The following LRPPRC variants were observed in gnomAD, a reference collection of about 807,000 sequenced individuals.
LRPPRC encodes leucine-rich PPR motif-containing protein, mitochondrial.
LRPPRC carries 120 observed loss-of-function variants against 180.3 expected under a neutral mutation model. The ratio of observed to expected loss-of-function variants is 0.67; its 90% CI spans 0.57 to 0.77. The LOEUF (loss-of-function observed/expected upper bound fraction) is 0.77. Among genes scored for constraint, LRPPRC ranks in the 30% least tolerant of loss-of-function variants. The pLI, the probability that LRPPRC is intolerant of heterozygous loss-of-function variation, is 0.00. For synonymous variants in LRPPRC, 723 were observed against 600.0 expected, an observed-to-expected ratio of 1.21 and a Z score of -3.00; for missense variants, 2,012 against 1,657.2, an observed-to-expected ratio of 1.21 and a Z score of -3.72.
At chr2:43,954,603 C>T (rs1189990318) in intron 14 of LRPPRC, among the ~76,000 whole-genome samples, 1 of 152,174 alleles carries the variant, frequency 6.6e-6, no homozygotes, top group Non-Finnish European at 1.5e-5. Context: ...AAACAGACGT[C>T]TCTTTTTTAC....
chr2:43,913,653 G>A (rs1464891983), intron 29 of LRPPRC, among the ~76,000 whole-genome samples: 1 of 152,128 alleles, frequency 6.6e-6, no homozygotes, highest in Non-Finnish European at 1.5e-5. Context: ...TGCATCTTAA[G>A]GAGAACAGTT....
chr2:43,980,001 GATAA>G lies in LRPPRC; in HGVS notation c.347-57_347-54del. 1.9e-6 allele frequency: 3 copies of G among 1,549,102 alleles called. No individual in the cohort carries two copies. The South Asian group carries it at 3.4e-5, about 17-fold the overall frequency. On this transcript the variant is annotated intron_variant, in intron 2 of 37. Transcript: ENST00000260665. The stretch of plus-strand genomic sequence containing the variant: ...TTTAACATAGCAGCAATATCACATA[GATAA>G]ATATCAAAATTTAAACAGAAATCTA...
chr2:43,918,820 T>G lies in LRPPRC; in HGVS notation c.2897-422A>C, dbSNP rs181645393. ...ATATATATATATATAGATATATATA[T>G]ATCTATATATAGATATCTCTATATA... On this transcript the variant is annotated intron_variant, in intron 27 of 37. Transcript: ENST00000260665. Among the ~76,000 whole-genome samples, 339 of 145,900 alleles carry G rather than the reference T, an allele frequency of 2.3e-3. 4 individuals are homozygous for G. Among genetic ancestry groups the G allele is most frequent in the African/African-American group, 7.8e-3 (311 of 39,636 alleles).
At position 43,899,526 on chromosome 2, in the gene LRPPRC, C is replaced by A; in HGVS notation, c.3649G>T (p.Gly1217Cys). 6.2e-7 allele frequency: 1 copy of A among 1,613,244 alleles called. No homozygotes were observed. Among genetic ancestry groups the A allele is most frequent in the Non-Finnish European group, 8.5e-7 (1 of 1,179,330 alleles). Residue 1217 changes from glycine to cysteine, a missense_variant, in exon 33 of 38, where the codon GGC becomes TGC. Physicochemically the swap from Gly to Cys is radical, Grantham distance 159. Transcript: ENST00000260665. ...ACTTTTCTGAATAAGTATGCCAAGC[C>A]GAAGTATTGGGGTTCAATGACTTTA... Reference protein sequence around the residue: ...ENKVIEPQYFGLAYLFRKVIE... With the variant: ...ENKVIEPQYFCLAYLFRKVIE...
chr2:43,892,337 T>C lies in LRPPRC; in HGVS notation c.3985+2208A>G, dbSNP rs372102122. On this transcript the variant is annotated intron_variant, in intron 36 of 37. Transcript: ENST00000260665. ...TTCAATGGCTAATGCAGCTGGTGAC[T>C]TTATGTTGATGCCAATGCTCACTTA... is the stretch of plus-strand genomic sequence containing the variant. 2.0e-5 allele frequency among the ~76,000 whole-genome samples: 3 copies of C among 152,178 alleles called. No homozygotes were observed. The South Asian group carries it at 6.2e-4, about 32-fold the overall frequency.
intron 37 of LRPPRC, 64 bp downstream of exon 37, chr2:43,889,670 C>G: frequency 1.6e-6 from 2 of 1,254,116 alleles, no homozygotes; most frequent in African/African-American, 3.0e-5. Flanking sequence ...TTTTCTTACA[C>G]ATTGTTATGA....
rs751860317 is a variant in LRPPRC at position 43,979,815 on chromosome 2, A to T, written c.469+11T>A. ...ACCTTTTATACACATCATATATTTA[A>T]ACAATCATACCTAATTTCTGAAGTG... is the stretch of plus-strand genomic sequence containing the variant. On this transcript the variant is annotated intron_variant, in intron 3 of 37. Coordinates refer to ENST00000260665, the MANE Select transcript of LRPPRC (RefSeq NM_133259.4). 3 of 1,612,254 alleles carry T rather than the reference A, an allele frequency of 1.9e-6. No individual in the cohort carries two copies. In the Admixed American group the frequency reaches 5.0e-5, roughly 27 times the overall value.
chr2:43,957,419 A>G lies in LRPPRC; in HGVS notation c.1615T>C (p.Ser539Pro). The G allele has an allele frequency of 6.2e-7, 1 of 1,613,640 alleles. No individual in the cohort carries two copies. Among genetic ancestry groups the G allele is most frequent in the Non-Finnish European group, 8.5e-7 (1 of 1,179,596 alleles). Reference sequence around the variant, plus strand: ...CCTAGCAGTAGGCTACTTCTTATAGACTGCAGCGAGATGGGCAATGTATTT... The same window carrying G: ...CCTAGCAGTAGGCTACTTCTTATAGGCTGCAGCGAGATGGGCAATGTATTT... Reference protein sequence around the residue: ...KSNTLPISLQSIRSSLLLGFR... With the variant: ...KSNTLPISLQPIRSSLLLGFR... The change falls in exon 14 of 38, where the codon TCT (serine) becomes CCT (proline). Residue 539 changes from serine (S) to proline (P), a missense_variant. Transcript: ENST00000260665.
At chr2:43,928,717 C>T (rs1671977872) in intron 25 of LRPPRC, among the ~76,000 whole-genome samples, 1 of 151,864 alleles carries the variant, frequency 6.6e-6, no homozygotes, top group African/African-American at 2.4e-5. Flanking sequence ...CACCTGTGAA[C>T]AGCCAATGCA....
At chr2:43,959,981 G>A (rs570448501) in intron 13 of LRPPRC, among the ~76,000 whole-genome samples, 1 of 152,172 alleles carries the variant, frequency 6.6e-6, no homozygotes, top group South Asian at 2.1e-4. Context: ...ACTAACCTTG[G>A]GCAAATCATT....
chr2:43,989,625 T>C (rs1363269044), intron 1 of LRPPRC, among the ~76,000 whole-genome samples: 1 of 152,192 alleles, frequency 6.6e-6, no homozygotes, highest in Non-Finnish European at 1.5e-5. Flanking sequence ...AGTAATCCCT[T>C]CACCATCTAA....
chr2:43,975,129 C>T lies in LRPPRC; in HGVS notation c.826G>A (p.Ala276Thr), dbSNP rs1312422908. 2 of 1,613,324 alleles carry T rather than the reference C, an allele frequency of 1.2e-6. No homozygotes were observed. Among genetic ancestry groups the T allele is most frequent in the Admixed American group, 1.7e-5 (1 of 60,020 alleles). The change falls in exon 7 of 38, where the codon GCA (alanine) becomes ACA (threonine). Residue 276 changes from alanine (A) to threonine (T), a missense_variant. Ala to Thr is a moderately conservative substitution (Grantham distance 58). Transcript: ENST00000260665. ...GPDTYLALLN[A>T]YAEKGDIDHV... ...TCAATGTCGCCCTTCTCAGCATATGCATTCAATAATGCGAGGTATGTGTCT... is the reference window on the plus strand; with the variant it reads ...TCAATGTCGCCCTTCTCAGCATATGTATTCAATAATGCGAGGTATGTGTCT...
chr2:43,924,928 T>C, intron 27 of LRPPRC, 139 bp downstream of exon 27: 8 of 677,280 alleles, frequency 1.2e-5, no homozygotes, highest in South Asian at 6.6e-5. Flanking sequence ...TAAAATTCAA[T>C]CTAGCCTCTA....
chr2:43,931,691 C>T (rs1243114555), intron 25 of LRPPRC, among the ~76,000 whole-genome samples: 4 of 152,026 alleles, frequency 2.6e-5, no homozygotes, highest in Non-Finnish European at 4.4e-5. Context: ...CGGAGAGAGA[C>T]CTGAGTTAAC....
At chr2:43,926,842 A>G (rs1671897540) in intron 25 of LRPPRC, among the ~76,000 whole-genome samples, 1 of 152,260 alleles carries the variant, frequency 6.6e-6, no homozygotes, top group African/African-American at 2.4e-5. Flanking sequence ...CAGTGATAAA[A>G]GTACTCTAAT....
chr2:43,910,239 CT>C (rs60273880), intron 30 of LRPPRC, among the ~76,000 whole-genome samples: 74 of 146,256 alleles, frequency 5.1e-4, no homozygotes, highest in Non-Finnish European at 4.8e-4. Context: ...ATCTCTCTCC[CT>C]TTTTTTTTTT....
chr2:43,915,716 A>G (rs1373635168), intron 29 of LRPPRC, among the ~76,000 whole-genome samples: 1 of 152,200 alleles, frequency 6.6e-6, no homozygotes, highest in Non-Finnish European at 1.5e-5. Flanking sequence ...AAGTTATACT[A>G]TAGGTAACTG....
intron 27 of LRPPRC, among the ~76,000 whole-genome samples, chr2:43,923,919 T>A (rs990638358): frequency 6.6e-6 from 1 of 152,158 alleles, no homozygotes; most frequent in Non-Finnish European, 1.5e-5. Flanking sequence ...ACCAACTGCC[T>A]AAAATACAGG....
intron 30 of LRPPRC, among the ~76,000 whole-genome samples, chr2:43,907,375 G>T (rs1337021011): frequency 6.6e-6 from 1 of 152,054 alleles, no homozygotes; most frequent in African/African-American, 2.4e-5. Context: ...AAAAGTTGCG[G>T]GTAGAGATCT....
Sources: allele counts gnomAD v4.1 joint callset (sites outside exome capture counted in the v4.1 genomes callset), GRCh38; gene constraint gnomAD v4.1.1; transcripts MANE v1.5; gene names NCBI Gene and HGNC (gene_info 2026-07-23, HGNC 2026-07-21).